Variants in RNF2 observed in about 807,000 individuals in gnomAD.
RNF2 encodes the protein E3 ubiquitin-protein ligase RING2.
RNF2 carries 6 observed loss-of-function variants against 37.2 expected under a neutral mutation model. The ratio of observed to expected loss-of-function variants is 0.16; its 90% CI spans 0.09 to 0.32. The LOEUF (loss-of-function observed/expected upper bound fraction) is 0.32, where lower values mean the gene tolerates loss of function less well. RNF2 is among the 10% of genes least tolerant of loss of function. The probability of loss-of-function intolerance (pLI) is 1.00; values close to 1 mark genes in which losing one functional copy is unlikely to be tolerated. For missense variants in RNF2, 251 were observed against 404.0 expected, an observed-to-expected ratio of 0.62 and a Z score of 3.25; for synonymous variants, 133 against 132.7, an observed-to-expected ratio of 1.00 and a Z score of -0.02.
At chr1:185,086,667 A>G (rs1003434066) in intron 1 of RNF2, among the ~76,000 whole-genome samples, 1 of 152,200 alleles carries the variant, frequency 6.6e-6, no homozygotes, top group Non-Finnish European at 1.5e-5. Context: ...GAGGGCAGCT[A>G]TAGGATGAAT....
At chr1:185,071,762 A>T (rs1329693636) in intron 1 of RNF2, 1 of 154,218 alleles carries the variant, frequency 6.5e-6, no homozygotes, top group African/African-American at 2.4e-5. Context: ...ATGCATTTTC[A>T]GTAGTGACTG....
intron 1 of RNF2, among the ~76,000 whole-genome samples, chr1:185,048,981 C>A (rs1557956980): frequency 6.6e-6 from 1 of 151,792 alleles, no homozygotes; most frequent in Non-Finnish European, 1.5e-5. Flanking sequence ...GAATCTGGAT[C>A]CATTGGGAGG....
chr1:185,092,825 T>C (rs2102201571), intron 3 of RNF2, among the ~76,000 whole-genome samples: 1 of 152,282 alleles, frequency 6.6e-6, no homozygotes, highest in Non-Finnish European at 1.5e-5. Flanking sequence ...TAAATTATCT[T>C]GGGAAATACT....
At chr1:185,066,008 TTTC>T (rs1650788396) in intron 1 of RNF2, among the ~76,000 whole-genome samples, 1 of 152,082 alleles carries the variant, frequency 6.6e-6, no homozygotes, top group Non-Finnish European at 1.5e-5. Context: ...TAGGAGTCCT[TTTC>T]TTTCCTTCCT....
At chr1:185,091,478 C>A in intron 2 of RNF2, 101 bp from the exon 3 acceptor site, 1 of 1,178,940 alleles carries the variant, frequency 8.5e-7, no homozygotes, top group Non-Finnish European at 1.2e-6. Flanking sequence ...GTGATGGGTA[C>A]ATATATGTTT....
At chr1:185,094,601 A>G (rs139463884) in intron 4 of RNF2, among the ~76,000 whole-genome samples, 4 of 152,182 alleles carry the variant, frequency 2.6e-5, no homozygotes, top group African/African-American at 4.8e-5. Flanking sequence ...TCTACTTCCC[A>G]TGCTTACTCC....
At chr1:185,065,000 A>G (rs1650757609) in intron 1 of RNF2, among the ~76,000 whole-genome samples, 1 of 152,150 alleles carries the variant, frequency 6.6e-6, no homozygotes, top group African/African-American at 2.4e-5. Flanking sequence ...CTTTCTGCAT[A>G]TAAGATCATG....
chr1:185,089,704 A>G (rs1458934478), intron 2 of RNF2, among the ~76,000 whole-genome samples: 1 of 152,116 alleles, frequency 6.6e-6, no homozygotes, highest in African/African-American at 2.4e-5. Flanking sequence ...CTGGAGACCA[A>G]TGTGAAATTG....
intron 1 of RNF2, among the ~76,000 whole-genome samples, chr1:185,087,093 A>T (rs1651622070): frequency 6.6e-6 from 1 of 152,170 alleles, no homozygotes. Context: ...GAACCAGTGA[A>T]TAATTTGTTT....
intron 1 of RNF2, among the ~76,000 whole-genome samples, chr1:185,060,066 G>T (rs182986243): frequency 1.3e-5 from 2 of 152,288 alleles, no homozygotes; most frequent in East Asian, 3.9e-4. Context: ...GGAACTTGAT[G>T]AACATTTCTC....
chr1:185,100,942 T>C lies in RNF2; in HGVS notation c.*641T>C, dbSNP rs1380336017. On this transcript the variant is annotated 3_prime_UTR_variant, in exon 7 of 7. Transcript: ENST00000367510. ...TTCTTTTTCCCTGTAATTTTGGAAT[T>C]TCTGGTCCTGGGAAGAATCAAACAA... 6.6e-6 allele frequency: 1 copy of C among 152,512 alleles called. No individual in the cohort carries two copies. Among genetic ancestry groups the C allele is most frequent in the African/African-American group, 2.4e-5 (1 of 41,444 alleles). 9.4% of individuals were successfully genotyped at this position (152,512 alleles called of 1,614,324 possible).
At position 185,053,326 on chromosome 1, in the gene RNF2, CT is replaced by C. The variant is rs796472816; in HGVS notation, c.-3+7684del. Among the ~76,000 whole-genome samples the C allele has an allele frequency of 4.4e-3, 664 of 151,446 alleles. 11 individuals carry two copies. Among genetic ancestry groups the C allele is most frequent in the African/African-American group, 0.015 (637 of 41,234 alleles). On this transcript the variant is annotated intron_variant, in intron 1 of 6. Coordinates refer to ENST00000367510, the MANE Select transcript of RNF2 (RefSeq NM_007212.4). Reference sequence around the variant, plus strand: ...TATTTTCTCACTTTGCTTCATTTTCCTTTTTTTCTTTTTCTTTTTTTTTTTA... The same window carrying C: ...TATTTTCTCACTTTGCTTCATTTTCCTTTTTTCTTTTTCTTTTTTTTTTTA...
chr1:185,058,739 T>C (rs1156875310), intron 1 of RNF2, among the ~76,000 whole-genome samples: 1 of 152,258 alleles, frequency 6.6e-6, no homozygotes, highest in Admixed American at 6.5e-5. Context: ...TCTAGTTGCT[T>C]ATAAGTAGCT....
Position 185,048,188 on chromosome 1 carries a change from G to C in RNF2, c.-3+2539G>C, listed in dbSNP as rs1650171803. ...GGCATTTAAGTAGAAGCTAGTGTTA[G>C]TGTGTTGCCAGGCAGGAGCTAGGTG... On this transcript the variant is annotated intron_variant, in intron 1 of 6. Coordinates refer to ENST00000367510, the MANE Select transcript of RNF2 (RefSeq NM_007212.4). Among the ~76,000 whole-genome samples, 4 of 152,178 alleles carry C rather than the reference G, an allele frequency of 2.6e-5. No homozygotes were observed. In the South Asian group the frequency reaches 8.3e-4, roughly 32 times the overall value.
chr1:185,054,324 G>C (rs1650364315), intron 1 of RNF2, among the ~76,000 whole-genome samples: 1 of 152,194 alleles, frequency 6.6e-6, no homozygotes, highest in Non-Finnish European at 1.5e-5. Flanking sequence ...GTTCAGAACT[G>C]TTCACATACA....
intron 2 of RNF2, among the ~76,000 whole-genome samples, chr1:185,088,741 G>A (rs1464516137): frequency 6.6e-6 from 1 of 152,104 alleles, no homozygotes; most frequent in Non-Finnish European, 1.5e-5. Flanking sequence ...AAAAATCCAG[G>A]AAGAAAAATT....
rs370878832 is a variant in RNF2 at position 185,081,957 on chromosome 1, C to T, written c.-2-5595C>T. Among the ~76,000 whole-genome samples the T allele has an allele frequency of 1.4e-3, 212 of 152,200 alleles. 1 individual carries two copies. The highest frequency in any genetic ancestry group is 4.3e-3 in the African/African-American group (179 of 41,508). On this transcript the variant is annotated intron_variant, in intron 1 of 6. Coordinates refer to ENST00000367510, the MANE Select transcript of RNF2 (RefSeq NM_007212.4). ...TGACTTTTTTTTGGTGCATGTTTGC[C>T]GTTGGGAAGTGCTTTGGAGCTTTGG... is the stretch of plus-strand genomic sequence containing the variant.
chr1:185,073,839 TTTAGTCA>T (rs1269711822), intron 1 of RNF2, among the ~76,000 whole-genome samples: 1 of 152,230 alleles, frequency 6.6e-6, no homozygotes, highest in Non-Finnish European at 1.5e-5. Context: ...TCTCCAACTC[TTTAGTCA>T]CCAACTGGGT....
intron 1 of RNF2, among the ~76,000 whole-genome samples, chr1:185,065,653 C>T (rs1219470432): frequency 2.6e-5 from 4 of 152,052 alleles, no homozygotes; most frequent in Admixed American, 2.0e-4. Flanking sequence ...ACTAACTCAC[C>T]GGAAGGAAGA....
Sources: gnomAD v4.1 joint callset for allele counts (sites outside exome capture counted in the v4.1 genomes callset) on GRCh38, gnomAD v4.1.1 for gene constraint, MANE v1.5 for transcripts, NCBI Gene and HGNC (gene_info 2026-07-23, HGNC 2026-07-21) for gene names.